GPS2: variants seen among roughly 807,000 people sequenced by gnomAD.
GPS2 encodes G protein pathway suppressor 2.
A neutral mutation model predicts 48.1 loss-of-function variants in GPS2; 22 were observed. That is an observed-to-expected ratio of 0.46 (90% confidence interval 0.33 to 0.65). The LOEUF is 0.65. GPS2 is among the 30% of genes least tolerant of loss of function. The probability of loss-of-function intolerance (pLI) is 0.03; values close to 1 mark genes in which losing one functional copy is unlikely to be tolerated. For missense variants in GPS2, 366 were observed against 406.8 expected, an observed-to-expected ratio of 0.90 and a Z score of 0.86; for synonymous variants, 202 against 142.5, an observed-to-expected ratio of 1.42 and a Z score of -2.98.
At chr17:7,315,307 A>G (rs888379599) in intron 1 of GPS2, 24 bp downstream of exon 1, 1 of 357,668 alleles carries the variant, frequency 2.8e-6, no homozygotes, top group Non-Finnish European at 5.0e-6. Flanking sequence ...CTGCCCAGCC[A>G]GCGCGGACGA....
rs2072901256 is a variant in GPS2, at chr17:7,313,950, C to T, written c.436G>A (p.Ala146Thr). ...GGHNRPGTLM[A>T]ADRAKQMFGP... ...AACATTTGTTTGGCTCTGTCAGCTG[C>T]CATGAGGGTGCCTGGGCGATTGTGT... is the stretch of plus-strand genomic sequence containing the variant. The change falls in exon 6 of 11, where the codon GCA becomes ACA. Residue 146 changes from alanine to threonine, a missense_variant. Ala to Thr is a moderately conservative substitution (Grantham distance 58, BLOSUM62 0). Coordinates refer to ENST00000380728, the MANE Select transcript of GPS2 (RefSeq NM_004489.5). 1.2e-6 allele frequency: 2 copies of T among 1,614,112 alleles called. No individual in the cohort carries two copies. Among genetic ancestry groups the T allele is most frequent in the Admixed American group, 3.3e-5 (2 of 60,016 alleles).
In GPS2 at chr17:7,313,081, G is replaced by C. The variant is rs748273783; in HGVS notation, c.848C>G (p.Pro283Arg). 6.4e-7 allele frequency: 1 copy of C among 1,571,348 alleles called. No individual in the cohort carries two copies. Among genetic ancestry groups the C allele is most frequent in the Non-Finnish European group, 8.6e-7 (1 of 1,156,410 alleles). The change falls in exon 10 of 11, where the codon CCT becomes CGT. Residue 283 changes from proline to arginine, a missense_variant. Physicochemically the swap from Pro to Arg is moderately radical, Grantham distance 103. This residue lies in a region of GPS2 where 275 missense variants were observed against 282.3 expected (regional missense o/e 0.97). Transcript: ENST00000380728. ...PMHPQALHPA[P>R]GLLASPQLPV... is the part of the protein sequence containing the mutation. ...GAGCTGGGGGGAAGCAAGGAGTCCAGGGGCTGGATGCAGAGCCTGGGGGTG... is the reference window on the plus strand; with the variant it reads ...GAGCTGGGGGGAAGCAAGGAGTCCACGGGCTGGATGCAGAGCCTGGGGGTG...
At chr17:7,314,258 C>A in intron 4 of GPS2, 33 bp downstream of exon 4, 2 of 1,599,978 alleles carry the variant, frequency 1.3e-6, no homozygotes, top group Non-Finnish European at 8.6e-7. Flanking sequence ...TTCCACTTGG[C>A]CCCCATTTCA....
chr17:7,313,536 G>A (rs779674862), intron 7 of GPS2, 32 bp downstream of exon 7: 1 of 1,613,600 alleles, frequency 6.2e-7, no homozygotes, highest in Admixed American at 1.7e-5. Flanking sequence ...TGACCTTGAG[G>A]AAGGCCAAGC....
rs996715731 is a variant in GPS2 at position 7,315,147 on chromosome 17, G to A, written c.-67-28C>T. 12 of 856,722 alleles carry A rather than the reference G, an allele frequency of 1.4e-5. No individual in the cohort carries two copies. In the African/African-American group the frequency reaches 1.8e-4, roughly 13 times the overall value. 53.1% of individuals were successfully genotyped at this position (856,722 alleles called of 1,614,324 possible). Reference sequence around the variant, plus strand: ...GCGGGGAGGCGGGCGCTCAGAGGGGGCCGCGCCCGGCCCAGGCGGAAGCCC... The same window carrying A: ...GCGGGGAGGCGGGCGCTCAGAGGGGACCGCGCCCGGCCCAGGCGGAAGCCC... On this transcript the variant is annotated intron_variant, in intron 1 of 10. Coordinates refer to ENST00000380728, the MANE Select transcript of GPS2 (RefSeq NM_004489.5).
At chr17:7,314,916 G>C (rs747355959) in intron 2 of GPS2, 43 bp downstream of exon 2, 42 of 1,544,634 alleles carry the variant, frequency 2.7e-5, no homozygotes, top group Middle Eastern at 2.1e-4. Flanking sequence ...AGGTACAGGA[G>C]CCATTCTGGG....
At chr17:7,314,733 C>T in intron 2 of GPS2, 136 bp from the exon 3 acceptor site, 1 of 1,513,152 alleles carries the variant, frequency 6.6e-7, no homozygotes, top group Non-Finnish European at 9.0e-7. Flanking sequence ...CTCCCCATCG[C>T]GGCAATAGGG....
chr17:7,312,816 T>C lies in GPS2; in HGVS notation c.924A>G (p.Gln308=), dbSNP rs1235764584. The C allele has an allele frequency of 6.2e-7, 1 of 1,613,950 alleles. No homozygotes were observed. The highest frequency in any genetic ancestry group is 8.5e-7 in the Non-Finnish European group (1 of 1,180,006). ...AGKSGFAATS[Q]PGPRLPFIQH... ...GGATGAAGGGGAGCCGAGGGCCAGG[T>C]TGGCTGGTAGCTGCAAAGCCCGACT... Residue 308 remains glutamine (Q), a synonymous_variant, in exon 11 of 11, where the codon CAA becomes CAG. Coordinates refer to ENST00000380728, the MANE Select transcript of GPS2 (RefSeq NM_004489.5).
chr17:7,312,682 G>T lies in GPS2; in HGVS notation c.*74C>A. On this transcript the variant is annotated 3_prime_UTR_variant, in exon 11 of 11. Coordinates refer to ENST00000380728, the MANE Select transcript of GPS2 (RefSeq NM_004489.5). ...GGGGCAGTGGCAGGTAGATTTTATT[G>T]GCCTGGGACACACAGGGGATACCCT... is the stretch of plus-strand genomic sequence containing the variant. 1 of 1,184,176 alleles carries T rather than the reference G, an allele frequency of 8.4e-7. No individual in the cohort carries two copies. Among genetic ancestry groups the T allele is most frequent in the Non-Finnish European group, 1.3e-6 (1 of 790,356 alleles). 73.4% of individuals were successfully genotyped at this position (1,184,176 alleles called of 1,614,324 possible).
Position 7,314,338 on chromosome 17 carries a change from G to A in GPS2, c.270C>T (p.Leu90=). The stretch of plus-strand genomic sequence containing the variant: ...TTTCTTCCTCATGTAAAACTTTCTT[G>A]AGCTGCAGGAAAAGCTGGTGCTTCT... ...QEEKHQLFLQ[L]KKVLHEEEKR... Residue 90 remains leucine (L), a synonymous_variant, in exon 4 of 11, where the codon CTC becomes CTT. Coordinates refer to ENST00000380728, the MANE Select transcript of GPS2 (RefSeq NM_004489.5). 1 of 1,614,040 alleles carries A rather than the reference G, an allele frequency of 6.2e-7. No individual in the cohort carries two copies. The highest frequency in any genetic ancestry group is 1.3e-5 in the African/African-American group (1 of 74,968).
rs2072885071 is a variant in GPS2 at position 7,313,132 on chromosome 17, G to A, written c.805-8C>T. On this transcript the variant is annotated splice_polypyrimidine_tract_variant and splice_region_variant and intron_variant, in intron 9 of 10. Coordinates refer to ENST00000380728, the MANE Select transcript of GPS2 (RefSeq NM_004489.5). ...CATGGGGCGCAGAGAGGACTGCAGA[G>A]AACAGAGTCAGGGCCTGAGGCATAC... 1 of 1,607,696 alleles carries A rather than the reference G, an allele frequency of 6.2e-7. No homozygotes were observed. The highest frequency in any genetic ancestry group is 1.7e-4 in the Middle Eastern group (1 of 6,042).
rs2072885344 is a variant in GPS2, at chr17:7,313,137, GAGTC to G, written c.805-17_805-14del. 6.2e-6 allele frequency: 10 copies of G among 1,608,342 alleles called. No homozygotes were observed. Among genetic ancestry groups the G allele is most frequent in the Middle Eastern group, 1.6e-4 (1 of 6,074 alleles). On this transcript the variant is annotated splice_polypyrimidine_tract_variant and intron_variant, in intron 9 of 10. Transcript: ENST00000380728. ...GGCGCAGAGAGGACTGCAGAGAACA[GAGTC>G]AGGGCCTGAGGCATACTGAAGCTCC...
intron 2 of GPS2, 168 bp downstream of exon 2, chr17:7,314,791 G>A (rs2072915691): frequency 1.6e-6 from 2 of 1,281,768 alleles, no homozygotes; most frequent in African/African-American, 1.5e-5. Flanking sequence ...CCCATCTCAA[G>A]GGTTCTGGAG....
At chr17:7,313,501 CT>C in intron 7 of GPS2, 32 bp from the exon 8 acceptor site, 1 of 1,613,750 alleles carries the variant, frequency 6.2e-7, no homozygotes, top group Non-Finnish European at 8.5e-7. Context: ...CCATTAAAAT[CT>C]TTTACTGAAT....
Position 7,312,824 on chromosome 17 carries a change from T to C in GPS2, c.916A>G (p.Thr306Ala), listed in dbSNP as rs2292065. The change falls in exon 11 of 11, where the codon ACC becomes GCC. Residue 306 changes from threonine (T) to alanine (A), a missense_variant. Thr to Ala is a moderately conservative substitution (Grantham distance 58, BLOSUM62 0). This residue lies in a region of GPS2 where 275 missense variants were observed against 282.3 expected (regional missense o/e 0.97). Transcript: ENST00000380728. ...GGGAGCCGAGGGCCAGGTTGGCTGG[T>C]AGCTGCAAAGCCCGACTGGTGGTGG... ...QPAGKSGFAATSQPGPRLPFI... is the reference protein window; with the variant it reads ...QPAGKSGFAAASQPGPRLPFI... The C allele has an allele frequency of 1.2e-3, 1,953 of 1,613,988 alleles. 64 individuals are homozygous for C. The East Asian group carries it at 0.042, about 35-fold the overall frequency.
rs878878710 is a variant in GPS2 at position 7,314,630 on chromosome 17, G to T, written c.95-33C>A. On this transcript the variant is annotated intron_variant, in intron 2 of 10. Transcript: ENST00000380728. ...ATCAGGCAGAATGAAGAAGAGGCAGGGTAGTGAAAACAATTCCAACGTTAC... is the reference window on the plus strand; with the variant it reads ...ATCAGGCAGAATGAAGAAGAGGCAGTGTAGTGAAAACAATTCCAACGTTAC... The T allele has an allele frequency of 9.3e-6, 15 of 1,613,304 alleles. No homozygotes were observed. In the Admixed American group the frequency reaches 2.5e-4, roughly 27 times the overall value.
chr17:7,314,125 G>C lies in GPS2; in HGVS notation c.352C>G (p.Gln118Glu). Residue 118 changes from glutamine to glutamate, a missense_variant, in exon 5 of 11, where the codon CAG becomes GAG. Physicochemically the swap from Gln to Glu is conservative, Grantham distance 29 (BLOSUM62 2). Transcript: ENST00000380728. ...GTTCCTGTGTGAACAGTCAGGCTCT[G>C]CTGGTATGCAGCTGATGTTAGGGTG... ...LTTLTSAAYQ[Q>E]SLTVHTGTHL... The C allele has an allele frequency of 6.2e-7, 1 of 1,614,140 alleles. No homozygotes were observed. Among genetic ancestry groups the C allele is most frequent in the Non-Finnish European group, 8.5e-7 (1 of 1,180,000 alleles).
At chr17:7,314,215 T>C in intron 4 of GPS2, 56 bp from the exon 5 acceptor site, 8 of 1,595,874 alleles carry the variant, frequency 5.0e-6, no homozygotes, top group Non-Finnish European at 6.9e-6. Flanking sequence ...TCTTTTGCCA[T>C]TAAACACTGG....
chr17:7,313,384 C>CT lies in GPS2; in HGVS notation c.719dup (p.Thr241AspfsTer20). The CT allele has an allele frequency of 2.5e-6, 4 of 1,614,000 alleles. No individual in the cohort carries two copies. The highest frequency in any genetic ancestry group is 2.5e-6 in the Non-Finnish European group (3 of 1,179,896). ...TCCTGCATGGGATGTTATCACCTGTCTGAGTGGGCTGAAAGTGGCCATGCA... is the reference window on the plus strand; with the variant it reads ...TCCTGCATGGGATGTTATCACCTGTCTTGAGTGGGCTGAAAGTGGCCATGCA... On this transcript the variant is annotated frameshift_variant, in exon 8 of 11. Coordinates refer to ENST00000380728, the MANE Select transcript of GPS2 (RefSeq NM_004489.5). LOFTEE classifies it high-confidence loss of function.
Sources: gnomAD v4.1 joint callset for allele counts on GRCh38, gnomAD v4.1.1 for gene constraint, gnomAD v4.1.1 regional missense constraint, MANE v1.5 for transcripts, NCBI Gene and HGNC (gene_info 2026-07-23, HGNC 2026-07-21) for gene names.